Variants in GAN observed in about 807,000 individuals in gnomAD.
The protein encoded by GAN is epididymis secretory sperm binding protein.
In GAN, 48 loss-of-function variants were observed where a neutral mutation model predicts 71.3. That is an observed-to-expected ratio of 0.67 (90% CI 0.53 to 0.86). The LOEUF is 0.86. GAN is among the 40% of genes least tolerant of loss of function. The pLI is 0.00. For missense variants in GAN, 928 were observed against 770.1 expected (o/e 1.21, Z -2.43); for synonymous variants, 386 against 276.8 (o/e 1.39, Z -3.92).
intron 1 of GAN, among the ~76,000 whole-genome samples, chr16:81,342,094 A>G (rs1034492654): frequency 6.6e-6 from 1 of 152,226 alleles, no homozygotes. Flanking sequence ...TATCCTAAAT[A>G]CATATCCACC....
intron 5 of GAN, among the ~76,000 whole-genome samples, chr16:81,359,749 A>C (rs769994172): frequency 1.3e-5 from 2 of 152,156 alleles, no homozygotes; most frequent in Non-Finnish European, 2.9e-5. Flanking sequence ...AACCCTGTAC[A>C]TACTGTGTGT....
intron 3 of GAN, 79 bp from the exon 4 acceptor site, chr16:81,356,706 A>T: frequency 1.0e-6 from 1 of 987,492 alleles, no homozygotes; most frequent in African/African-American, 1.6e-5. Flanking sequence ...GTTTTCCATG[A>T]GGTGGAAAAT....
intron 9 of GAN, among the ~76,000 whole-genome samples, chr16:81,376,513 G>GTGTGTGTGTA (rs1375412185): frequency 3.0e-5 from 4 of 134,608 alleles, no homozygotes; most frequent in Non-Finnish European, 6.3e-5. Context: ...GTGTGTGTAT[G>GTGTGTGTGTA]TGTGTGTGTA....
At chr16:81,335,389 G>A (rs1909721262) in intron 1 of GAN, among the ~76,000 whole-genome samples, 1 of 152,048 alleles carries the variant, frequency 6.6e-6, no homozygotes, top group South Asian at 2.1e-4. Flanking sequence ...GGCCGAGGCG[G>A]GCATATCACT....
chr16:81,324,482 A>T (rs749416562), intron 1 of GAN, among the ~76,000 whole-genome samples: 3 of 152,130 alleles, frequency 2.0e-5, no homozygotes, highest in Non-Finnish European at 2.9e-5. Flanking sequence ...CAGGGGTGGC[A>T]CCAGGACTAG....
chr16:81,363,763 G>A (rs1232108808), intron 6 of GAN, 31 bp from the exon 7 acceptor site: 3 of 1,606,678 alleles, frequency 1.9e-6, no homozygotes, highest in Non-Finnish European at 2.6e-6. Context: ...CATTGGCCTT[G>A]TGTGTTCAGG....
intron 1 of GAN, among the ~76,000 whole-genome samples, chr16:81,348,453 T>A (rs1218892975): frequency 6.6e-6 from 1 of 152,212 alleles, no homozygotes; most frequent in Non-Finnish European, 1.5e-5. Flanking sequence ...AAATATCTAA[T>A]GAGTCCTGTT....
At chr16:81,319,715 C>T (rs899547945) in intron 1 of GAN, among the ~76,000 whole-genome samples, 5 of 152,076 alleles carry the variant, frequency 3.3e-5, no homozygotes, top group Non-Finnish European at 7.4e-5. Context: ...CCCGACCCCC[C>T]CTTATTTTTT....
intron 1 of GAN, among the ~76,000 whole-genome samples, chr16:81,326,884 C>T (rs2059281): frequency 0.92 from 140,749 of 152,318 alleles, 65,115 homozygotes; most frequent in Middle Eastern, 0.95. Context: ...ACTGAAACAT[C>T]GTTACCTGCT....
At chr16:81,363,728 T>C (rs1159846306) in intron 6 of GAN, 66 bp from the exon 7 acceptor site, 1 of 1,479,352 alleles carries the variant, frequency 6.8e-7, no homozygotes, top group Non-Finnish European at 9.5e-7. Context: ...TTATTAAGTG[T>C]ATGAATATCA....
chr16:81,373,658 C>CT (rs1567499693), intron 9 of GAN, among the ~76,000 whole-genome samples: 1 of 152,172 alleles, frequency 6.6e-6, no homozygotes, highest in South Asian at 2.1e-4. Flanking sequence ...ACTCTAATGT[C>CT]TTTTTTCTCG....
At chr16:81,333,628 A>G (rs1389763055) in intron 1 of GAN, among the ~76,000 whole-genome samples, 2 of 152,254 alleles carry the variant, frequency 1.3e-5, no homozygotes, top group Admixed American at 6.5e-5. Flanking sequence ...ATAGCAATTC[A>G]TTTTGTTGAC....
chr16:81,343,384 C>G (rs574072919), intron 1 of GAN, among the ~76,000 whole-genome samples: 39 of 152,324 alleles, frequency 2.6e-4, no homozygotes, highest in African/African-American at 9.4e-4. Flanking sequence ...TACTGGCAAG[C>G]CGAATCCAGC....
chr16:81,315,088 C>G lies in GAN; in HGVS notation c.-26C>G. 3.4e-6 allele frequency: 5 copies of G among 1,466,530 alleles called. No homozygotes were observed. The highest frequency in any genetic ancestry group is 1.8e-6 in the Non-Finnish European group (2 of 1,103,412). The allele number at this position is 1,466,530 out of a possible 1,614,324, so 90.8% of individuals were successfully genotyped here. On this transcript the variant is annotated 5_prime_UTR_variant, in exon 1 of 11. Transcript: ENST00000648994. Reference sequence around the variant, plus strand: ...GGCCGGACGGTGTCGGGAGCCGGACCCGTCGGCAGAGGAGCGGGCGCCGCG... The same window carrying G: ...GGCCGGACGGTGTCGGGAGCCGGACGCGTCGGCAGAGGAGCGGGCGCCGCG...
chr16:81,324,075 A>G (rs1483548613), intron 1 of GAN, among the ~76,000 whole-genome samples: 1 of 152,234 alleles, frequency 6.6e-6, no homozygotes, highest in Admixed American at 6.5e-5. Flanking sequence ...TGTGTTTATC[A>G]GAGTAGAAAC....
At chr16:81,323,959 A>C (rs1380540867) in intron 1 of GAN, among the ~76,000 whole-genome samples, 2 of 152,144 alleles carry the variant, frequency 1.3e-5, no homozygotes, top group African/African-American at 4.8e-5. Context: ...AATAAACATA[A>C]AACTAAAGAT....
intron 1 of GAN, among the ~76,000 whole-genome samples, chr16:81,317,857 G>T (rs1411995753): frequency 6.6e-6 from 1 of 152,124 alleles, no homozygotes; most frequent in African/African-American, 2.4e-5. Flanking sequence ...TCTTTAAAGA[G>T]AAGGCAGATT....
In GAN at chr16:81,353,247, G is replaced by C. The variant is rs1910361378; in HGVS notation, c.283-1158G>C. ...GCGGAGCCTGCAGTGAGCCGAGATT[G>C]CGCCACTGCACTCCAGCGTGGGCGA... On this transcript the variant is annotated intron_variant, in intron 2 of 10. Transcript: ENST00000648994. Among the ~76,000 whole-genome samples, 3 of 148,302 alleles carry C rather than the reference G, an allele frequency of 2.0e-5. No individual in the cohort carries two copies. In the South Asian group the frequency reaches 6.4e-4, roughly 32 times the overall value.
At chr16:81,369,281 C>T (rs990662909) in intron 9 of GAN, among the ~76,000 whole-genome samples, 2 of 152,248 alleles carry the variant, frequency 1.3e-5, no homozygotes, top group African/African-American at 4.8e-5. Flanking sequence ...GTGGAAGTCC[C>T]CGGAGCTCTG....
Sources: allele counts gnomAD v4.1 joint callset (sites outside exome capture counted in the v4.1 genomes callset), GRCh38; gene constraint gnomAD v4.1.1; transcripts MANE v1.5; gene names NCBI Gene and HGNC (gene_info 2026-07-23, HGNC 2026-07-21).